Variants in ZC3H12C observed in about 807,000 individuals in gnomAD.
ZC3H12C encodes the protein zinc finger CCCH-type containing 12C.
In ZC3H12C, 20 loss-of-function variants were observed where a neutral mutation model predicts 76.3. The ratio of observed to expected loss-of-function variants is 0.26; its 90% CI spans 0.18 to 0.38. ZC3H12C has a LOEUF of 0.38. Ranked by LOEUF, ZC3H12C falls within the 10% of genes least tolerant of loss-of-function variation. The pLI is 1.00. For missense variants in ZC3H12C, 874 were observed against 1,086.5 expected (o/e 0.80, Z 2.75); for synonymous variants, 352 against 399.6 (o/e 0.88, Z 1.42).
At chr11:110,162,885 T>A (rs2134200543) in intron 4 of ZC3H12C, among the ~76,000 whole-genome samples, 1 of 152,258 alleles carries the variant, frequency 6.6e-6, no homozygotes, top group African/African-American at 2.4e-5. Flanking sequence ...TCCCTTCTTC[T>A]CAGCTGCTCC....
chr11:110,095,292 T>G (rs1861093124), intron 1 of ZC3H12C, among the ~76,000 whole-genome samples: 2 of 152,234 alleles, frequency 1.3e-5, no homozygotes, highest in South Asian at 4.1e-4. Flanking sequence ...TAAAACATTT[T>G]TCTCATTCTA....
At chr11:110,100,212 C>CTTTT (rs10656341) in intron 1 of ZC3H12C, among the ~76,000 whole-genome samples, 33,582 of 134,012 alleles carry the variant, frequency 0.25, 4,870 homozygotes, top group Non-Finnish European at 0.28. Flanking sequence ...CTATATGGTA[C>CTTTT]TTTTTTTTTT....
chr11:110,093,643 G>A (rs1591451653), intron 1 of ZC3H12C, among the ~76,000 whole-genome samples: 1 of 151,832 alleles, frequency 6.6e-6, no homozygotes, highest in Admixed American at 6.5e-5. Context: ...GGGCCGAGCG[G>A]AAAGCCCAGC....
At position 110,096,375 on chromosome 11, in the gene ZC3H12C, G is replaced by C. The variant is rs866914182; in HGVS notation, c.21+2943G>C. Among the ~76,000 whole-genome samples, 21 of 152,212 alleles carry C rather than the reference G, an allele frequency of 1.4e-4. 1 individual carries two copies. Among genetic ancestry groups the C allele is most frequent in the Middle Eastern group, 3.4e-3 (1 of 294 alleles). The stretch of plus-strand genomic sequence containing the variant: ...GGCATCAATTCTCTACTGTTGTTTT[G>C]GTTTTTATAGGTGACATAGTAATAG... On this transcript the variant is annotated intron_variant, in intron 1 of 5. Transcript: ENST00000278590.
chr11:110,121,111 A>G (rs1861643984), intron 1 of ZC3H12C, among the ~76,000 whole-genome samples: 1 of 152,230 alleles, frequency 6.6e-6, no homozygotes, highest in Non-Finnish European at 1.5e-5. Flanking sequence ...TGGCATCAAT[A>G]TATTTTAAAT....
rs572655238 is a variant in ZC3H12C at position 110,141,784 on chromosome 11, A to G, written c.773+4370A>G. Reference sequence around the variant, plus strand: ...CATTTCGGAGACTTCGTACAAAAATATGTAAACTATTTGAATAACTTTTAT... The same window carrying G: ...CATTTCGGAGACTTCGTACAAAAATGTGTAAACTATTTGAATAACTTTTAT... On this transcript the variant is annotated intron_variant, in intron 2 of 5. Coordinates refer to ENST00000278590, the MANE Select transcript of ZC3H12C (RefSeq NM_033390.2). 1.1e-4 allele frequency among the ~76,000 whole-genome samples: 17 copies of G among 152,368 alleles called. No individual in the cohort carries two copies. In the East Asian group the frequency reaches 3.1e-3, roughly 28 times the overall value.
chr11:110,165,978 T>C lies in ZC3H12C; in HGVS notation c.*241T>C. ...TCCTTTTTAAAGCTATATCCTTGGC[T>C]GGAAATTTTTCCAGTTTGATTTAAT... On this transcript the variant is annotated 3_prime_UTR_variant, in exon 6 of 6. Coordinates refer to ENST00000278590, the MANE Select transcript of ZC3H12C (RefSeq NM_033390.2). The C allele has an allele frequency of 2.3e-6, 1 of 440,944 alleles. No homozygotes were observed. 27.3% of individuals were successfully genotyped at this position (440,944 alleles called of 1,614,324 possible).
chr11:110,145,842 A>AG lies in ZC3H12C; in HGVS notation c.774-7075dup, dbSNP rs1862157283. 3.3e-5 allele frequency among the ~76,000 whole-genome samples: 5 copies of AG among 152,302 alleles called. 1 individual carries two copies. The highest frequency in any genetic ancestry group is 1.2e-4 in the African/African-American group (5 of 41,556). On this transcript the variant is annotated intron_variant, in intron 2 of 5. Coordinates refer to ENST00000278590, the MANE Select transcript of ZC3H12C (RefSeq NM_033390.2). The stretch of plus-strand genomic sequence containing the variant: ...TATGATGGCTCTTAGGTTACACAGC[A>AG]GGTCCCTTCACAACAAATTAACAGC...
intron 1 of ZC3H12C, among the ~76,000 whole-genome samples, chr11:110,117,760 C>T (rs201071768): frequency 1.9e-5 from 1 of 53,048 alleles, no homozygotes; most frequent in South Asian, 5.4e-4. Flanking sequence ...ATTATATATA[C>T]ACACACACAT....
intron 4 of ZC3H12C, among the ~76,000 whole-genome samples, chr11:110,162,280 AAC>A (rs1230574607): frequency 6.6e-6 from 1 of 152,264 alleles, no homozygotes; most frequent in African/African-American, 2.4e-5. Flanking sequence ...ACTTAAATCT[AAC>A]ACAGACCTGG....
chr11:110,146,938 G>A (rs1862182695), intron 2 of ZC3H12C, among the ~76,000 whole-genome samples: 1 of 152,148 alleles, frequency 6.6e-6, no homozygotes, highest in Non-Finnish European at 1.5e-5. Flanking sequence ...AAATGCCTCA[G>A]TCAGCCACTG....
intron 1 of ZC3H12C, among the ~76,000 whole-genome samples, chr11:110,101,208 G>A (rs561494273): frequency 6.6e-6 from 1 of 152,306 alleles, no homozygotes; most frequent in African/African-American, 2.4e-5. Flanking sequence ...GAGAGGTGAG[G>A]AAGCTGCAGA....
intron 1 of ZC3H12C, among the ~76,000 whole-genome samples, chr11:110,105,704 A>G (rs1204437186): frequency 6.6e-6 from 1 of 152,146 alleles, no homozygotes; most frequent in Non-Finnish European, 1.5e-5. Context: ...TTAAAAGTGT[A>G]TGCATATATA....
At chr11:110,153,997 C>T (rs142970198) in intron 3 of ZC3H12C, among the ~76,000 whole-genome samples, 3 of 152,080 alleles carry the variant, frequency 2.0e-5, no homozygotes, top group East Asian at 3.8e-4. Flanking sequence ...CTGAGGCACC[C>T]GTGTAAAGAC....
At chr11:110,098,548 T>G (rs992165950) in intron 1 of ZC3H12C, among the ~76,000 whole-genome samples, 8 of 152,262 alleles carry the variant, frequency 5.3e-5, no homozygotes, top group Non-Finnish European at 1.2e-4. Context: ...CACTGACTTA[T>G]CCAGAGCAAC....
At chr11:110,142,549 G>A (rs1244996580) in intron 2 of ZC3H12C, among the ~76,000 whole-genome samples, 2 of 152,100 alleles carry the variant, frequency 1.3e-5, no homozygotes, top group African/African-American at 4.8e-5. Context: ...ACCTTATATG[G>A]CGAAGGAAAT....
intron 2 of ZC3H12C, among the ~76,000 whole-genome samples, chr11:110,137,770 A>G (rs992227353): frequency 3.3e-5 from 5 of 152,232 alleles, no homozygotes; most frequent in African/African-American, 1.2e-4. Context: ...ATCTAGTCAA[A>G]TGGTCTATTT....
chr11:110,101,348 T>C (rs1263936073), intron 1 of ZC3H12C, among the ~76,000 whole-genome samples: 2 of 152,196 alleles, frequency 1.3e-5, no homozygotes, highest in Non-Finnish European at 2.9e-5. Context: ...AAACAGATTT[T>C]TCTATAGACT....
intron 1 of ZC3H12C, among the ~76,000 whole-genome samples, chr11:110,108,866 TAGA>T (rs2134151574): frequency 6.6e-6 from 1 of 152,362 alleles, no homozygotes; most frequent in South Asian, 2.1e-4. Flanking sequence ...ATCAAATATC[TAGA>T]AGTTCTTGAT....
Sources: gnomAD v4.1 joint callset for allele counts (sites outside exome capture counted in the v4.1 genomes callset) on GRCh38, gnomAD v4.1.1 for gene constraint, MANE v1.5 for transcripts, NCBI Gene and HGNC (gene_info 2026-07-23, HGNC 2026-07-21) for gene names.